GRK3: variants seen among roughly 807,000 people sequenced by gnomAD.
GRK3 encodes the protein adrenergic, beta, receptor kinase 2.
GRK3 carries 54 observed loss-of-function variants against 95.7 expected under a neutral mutation model. The observed-to-expected ratio is 0.56, with a 90% CI of 0.45 to 0.71. The LOEUF is 0.71. GRK3 is among the 30% of genes least tolerant of loss of function. The pLI is 0.00. For missense variants in GRK3, 649 were observed against 851.2 expected (o/e 0.76, Z 2.96); for synonymous variants, 281 against 290.8 (o/e 0.97, Z 0.34).
chr22:25,650,732 G>A (rs1398026868), intron 3 of GRK3, among the ~76,000 whole-genome samples: 1 of 152,154 alleles, frequency 6.6e-6, no homozygotes, highest in Non-Finnish European at 1.5e-5. Flanking sequence ...GAGTTATAAG[G>A]TATAACTAAC....
At chr22:25,588,013 GGT>G (rs1362723232) in intron 1 of GRK3, among the ~76,000 whole-genome samples, 1 of 152,176 alleles carries the variant, frequency 6.6e-6, no homozygotes, top group East Asian at 1.9e-4. Flanking sequence ...TGCCCAGGCT[GGT>G]CTCAAACTCC....
In GRK3 at chr22:25,725,958, A is replaced by C. The variant is rs547309503; in HGVS notation, c.*3508A>C. On this transcript the variant is annotated 3_prime_UTR_variant, in exon 21 of 21. Coordinates refer to ENST00000324198, the MANE Select transcript of GRK3 (RefSeq NM_005160.4). ...AGCGAGACTCTGTCTCAAAAAAAAA[A>C]AGGAGGGGGGCTAAATATCCAGTGA... is the stretch of plus-strand genomic sequence containing the variant. 4.5e-4 allele frequency: 84 copies of C among 185,718 alleles called. No homozygotes were observed. Among genetic ancestry groups the C allele is most frequent in the Middle Eastern group, 2.1e-3 (1 of 476 alleles). 11.5% of individuals were successfully genotyped at this position (185,718 alleles called of 1,614,324 possible).
chr22:25,688,436 C>A (rs1050014965), intron 11 of GRK3, among the ~76,000 whole-genome samples: 10 of 151,956 alleles, frequency 6.6e-5, no homozygotes, highest in Non-Finnish European at 1.3e-4. Flanking sequence ...ATAGAATGGC[C>A]GAGTCATAAC....
At chr22:25,698,438 T>C (rs1019278308) in intron 13 of GRK3, among the ~76,000 whole-genome samples, 15 of 152,292 alleles carry the variant, frequency 9.8e-5, no homozygotes, top group African/African-American at 2.9e-4. Context: ...AGCACAGACA[T>C]GGCAGAACCA....
chr22:25,606,054 C>T (rs1018088444), intron 2 of GRK3, among the ~76,000 whole-genome samples: 2 of 152,110 alleles, frequency 1.3e-5, no homozygotes, highest in African/African-American at 4.8e-5. Flanking sequence ...CATGTATTTT[C>T]CATAGCCTGG....
chr22:25,714,168 G>A (rs1311366650), intron 17 of GRK3, among the ~76,000 whole-genome samples: 1 of 152,202 alleles, frequency 6.6e-6, no homozygotes, highest in African/African-American at 2.4e-5. Context: ...TGGGTTGATT[G>A]TAGCTGATCC....
intron 9 of GRK3, among the ~76,000 whole-genome samples, chr22:25,682,805 C>T (rs1202863904): frequency 2.6e-5 from 4 of 152,238 alleles, no homozygotes; most frequent in Admixed American, 2.6e-4. Context: ...TACCAGTATT[C>T]TAGAAATCTC....
chr22:25,574,932 G>GT (rs1262397836), intron 1 of GRK3, among the ~76,000 whole-genome samples: 3 of 152,118 alleles, frequency 2.0e-5, no homozygotes, highest in South Asian at 2.1e-4. Flanking sequence ...AGAAAAGCTT[G>GT]TTTTTTATGC....
intron 13 of GRK3, among the ~76,000 whole-genome samples, chr22:25,700,985 G>A (rs991132039): frequency 3.3e-5 from 5 of 152,158 alleles, no homozygotes; most frequent in African/African-American, 1.2e-4. Context: ...AGCTAACTTG[G>A]GCAGGATGTG....
At chr22:25,635,295 G>C in intron 2 of GRK3, among the ~76,000 whole-genome samples, 1 of 152,058 alleles carries the variant, frequency 6.6e-6, no homozygotes, top group East Asian at 1.9e-4. Context: ...GTAATTTAGA[G>C]ACATCACTCC....
chr22:25,693,774 CTTTTTTTT>C (rs542086916), intron 12 of GRK3, among the ~76,000 whole-genome samples: 14 of 112,848 alleles, frequency 1.2e-4, no homozygotes, highest in African/African-American at 3.3e-4. Context: ...GTTAAAAATT[CTTTTTTTT>C]TTTTTTTTTT....
In GRK3 at chr22:25,721,340, C is replaced by CA; in HGVS notation, c.1854dup (p.Cys619MetfsTer17). ...CTGTGGAAGAAACTCAAATTAAAGACAAAAAATGCATTTTGTTCAGAATAA... is the reference window on the plus strand; with the variant it reads ...CTGTGGAAGAAACTCAAATTAAAGACAAAAAAATGCATTTTGTTCAGAATAA... On this transcript the variant is annotated frameshift_variant, in exon 20 of 21. Coordinates refer to ENST00000324198, the MANE Select transcript of GRK3 (RefSeq NM_005160.4). LOFTEE classifies it high-confidence loss of function. 2 of 1,605,906 alleles carry CA rather than the reference C, an allele frequency of 1.2e-6. No homozygotes were observed. The highest frequency in any genetic ancestry group is 8.5e-7 in the Non-Finnish European group (1 of 1,176,292).
In GRK3 at chr22:25,704,690, C is replaced by T. The variant is rs914596267; in HGVS notation, c.1328+481C>T. On this transcript the variant is annotated intron_variant, in intron 15 of 20. Transcript: ENST00000324198. ...CCTCTCAAAGTGCTGGGATTATAGG[C>T]GTGAGCCACTGCGGCCAGCCCACTT... Among the ~76,000 whole-genome samples, 7 of 152,222 alleles carry T rather than the reference C, an allele frequency of 4.6e-5. No individual in the cohort carries two copies. In the East Asian group the frequency reaches 9.6e-4, roughly 21 times the overall value.
Position 25,726,740 on chromosome 22 carries a change from C to G in GRK3, c.*4290C>G, listed in dbSNP as rs1436386194. 1 of 152,108 alleles carries G rather than the reference C, an allele frequency of 6.6e-6. No homozygotes were observed. Among genetic ancestry groups the G allele is most frequent in the Non-Finnish European group, 1.5e-5 (1 of 68,020 alleles). The allele number at this position is 152,108 out of a possible 1,614,324, so 9.4% of individuals were successfully genotyped here. A position where few individuals can be genotyped will look rare whatever the true frequency, so the allele number is the denominator to read the frequency against. On this transcript the variant is annotated 3_prime_UTR_variant, in exon 21 of 21. Coordinates refer to ENST00000324198, the MANE Select transcript of GRK3 (RefSeq NM_005160.4). ...TTTCCTTATGATAATTATTCTGAGA[C>G]TTGGTCACTTTGTTTTTGAATGTGG...
Position 25,726,566 on chromosome 22 carries a change from T to G in GRK3, c.*4116T>G, listed in dbSNP as rs767518792. On this transcript the variant is annotated 3_prime_UTR_variant, in exon 21 of 21. Transcript: ENST00000324198. ...ACTGGGATCTGTGACAGGTGGGGGC[T>G]GGGCTGGGTGTCACAAAGAGAATAG... The G allele has an allele frequency of 6.6e-6, 1 of 152,162 alleles. No homozygotes were observed. Among genetic ancestry groups the G allele is most frequent in the African/African-American group, 2.4e-5 (1 of 41,420 alleles). The allele number at this position is 152,162 out of a possible 1,614,324, so 9.4% of individuals were successfully genotyped here.
At chr22:25,672,764 A>G (rs193065509) in intron 7 of GRK3, among the ~76,000 whole-genome samples, 65 of 152,232 alleles carry the variant, frequency 4.3e-4, no homozygotes, top group African/African-American at 1.4e-3. Flanking sequence ...TTATCAGACC[A>G]AGGCTTCATC....
intron 15 of GRK3, among the ~76,000 whole-genome samples, chr22:25,709,045 AT>A (rs112140761): frequency 0.03 from 4,332 of 142,752 alleles, 77 homozygotes; most frequent in African/African-American, 0.052. Flanking sequence ...TTTTATTTTT[AT>A]TTTTTTTTTG....
chr22:25,670,731 A>G (rs946491240), intron 6 of GRK3, among the ~76,000 whole-genome samples: 1 of 151,998 alleles, frequency 6.6e-6, no homozygotes, highest in African/African-American at 2.4e-5. Flanking sequence ...TATTCAATCT[A>G]GAATGCATTT....
At chr22:25,604,211 A>C (rs1228101476) in intron 1 of GRK3, among the ~76,000 whole-genome samples, 166 bp from the exon 2 acceptor site, 2 of 152,206 alleles carry the variant, frequency 1.3e-5, no homozygotes, top group East Asian at 3.8e-4. Flanking sequence ...GGCTAAGGCC[A>C]TGAAGTTTCT....
Sources: gnomAD v4.1 joint callset for allele counts (sites outside exome capture counted in the v4.1 genomes callset) on GRCh38, gnomAD v4.1.1 for gene constraint, MANE v1.5 for transcripts, NCBI Gene and HGNC (gene_info 2026-07-23, HGNC 2026-07-21) for gene names.